LNPEP: variants seen among roughly 807,000 people sequenced by gnomAD.
The protein encoded by LNPEP is leucyl-cystinyl aminopeptidase.
LNPEP carries 64 observed loss-of-function variants against 120.6 expected under a neutral mutation model. That is an observed-to-expected ratio of 0.53 (90% CI 0.43 to 0.65). LNPEP has a LOEUF of 0.65. LNPEP is among the 30% of genes least tolerant of loss of function. LNPEP has a pLI of 0.00. For synonymous variants in LNPEP, 435 were observed against 425.4 expected (o/e 1.02, Z -0.28); for missense variants, 1,057 against 1,200.0 (o/e 0.88, Z 1.76).
rs1791539355 is a variant in LNPEP at position 97,034,712 on chromosome 5, A to G, written c.*6179A>G. On this transcript the variant is annotated 3_prime_UTR_variant, in exon 18 of 18. Coordinates refer to ENST00000231368, the MANE Select transcript of LNPEP (RefSeq NM_005575.3). ...GGGATTGTTGAGAGGAAAAGGCAAG[A>G]TATATAATTTTTTTAATGTATATAA... is the stretch of plus-strand genomic sequence containing the variant. 1 of 151,996 alleles carries G rather than the reference A, an allele frequency of 6.6e-6. No homozygotes were observed. The highest frequency in any genetic ancestry group is 1.5e-5 in the Non-Finnish European group (1 of 67,970). 9.4% of individuals were successfully genotyped at this position (151,996 alleles called of 1,614,324 possible).
rs114031207 is a variant in LNPEP at position 96,977,947 on chromosome 5, G to A, written c.20-1191G>A. Among the ~76,000 whole-genome samples, 352 of 152,226 alleles carry A rather than the reference G, an allele frequency of 2.3e-3. 1 individual carries two copies. Among genetic ancestry groups the A allele is most frequent in the African/African-American group, 8.0e-3 (333 of 41,542 alleles). ...TTTTTAGACCTGTGCTTTAATATCA[G>A]TTTTATGACTAAATAGCTGTGTGAC... On this transcript the variant is annotated intron_variant, in intron 1 of 17. Transcript: ENST00000231368.
chr5:97,007,806 T>C lies in LNPEP; in HGVS notation c.2035+1291T>C, dbSNP rs1008996653. ...TCAAATCTTAAAGGTTTTTCCATTA[T>C]ATGAAATTTTTTAAGGAATGCTTTT... On this transcript the variant is annotated intron_variant, in intron 11 of 17. Transcript: ENST00000231368. Among the ~76,000 whole-genome samples, 6 of 152,360 alleles carry C rather than the reference T, an allele frequency of 3.9e-5. No individual in the cohort carries two copies. The South Asian group carries it at 1.2e-3, about 32-fold the overall frequency.
chr5:96,986,585 C>G lies in LNPEP; in HGVS notation c.1046C>G (p.Ser349Cys). The change falls in exon 4 of 18, where the codon TCT becomes TGT. Residue 349 changes from serine (S) to cysteine (C), a missense_variant. Transcript: ENST00000231368. ...GATGGACTTGTTCAGGATGAGTTTT[C>G]TGAGAGTGTGAAGATGAGCACTTAC... ...LDDGLVQDEF[S>C]ESVKMSTYLV... The G allele has an allele frequency of 6.2e-7, 1 of 1,613,540 alleles. No homozygotes were observed. The highest frequency in any genetic ancestry group is 2.2e-5 in the East Asian group (1 of 44,852).
At chr5:96,990,918 T>A (rs372429136) in intron 4 of LNPEP, among the ~76,000 whole-genome samples, 6 of 152,320 alleles carry the variant, frequency 3.9e-5, no homozygotes, top group African/African-American at 1.4e-4. Flanking sequence ...TTTTTTGCTT[T>A]ATTTTAAGAG....
chr5:96,976,672 TG>T (rs1790004006), intron 1 of LNPEP, among the ~76,000 whole-genome samples: 1 of 151,806 alleles, frequency 6.6e-6, no homozygotes, highest in Admixed American at 6.6e-5. Flanking sequence ...ACAAAACACA[TG>T]GGGCAAATGC....
chr5:97,002,790 T>C (rs1156732708), intron 8 of LNPEP, among the ~76,000 whole-genome samples: 1 of 152,218 alleles, frequency 6.6e-6, no homozygotes, highest in Non-Finnish European at 1.5e-5. Context: ...GTGGTGCTTA[T>C]TTCAGGATTG....
Position 97,015,002 on chromosome 5 carries a change from T to C in LNPEP, c.2283T>C (p.His761=). Residue 761 remains histidine (H), a synonymous_variant, in exon 13 of 18, where the codon CAT becomes CAC. Coordinates refer to ENST00000231368, the MANE Select transcript of LNPEP (RefSeq NM_005575.3). ...DLINYLGNEN[H]TAPITEALFQ... The stretch of plus-strand genomic sequence containing the variant: ...TTAATTATCTTGGAAATGAGAACCA[T>C]ACTGCACCCATCACCGAAGCCCTGT... The C allele has an allele frequency of 3.1e-6, 5 of 1,605,124 alleles. No homozygotes were observed. Among genetic ancestry groups the C allele is most frequent in the African/African-American group, 1.3e-5 (1 of 74,850 alleles).
rs535096602 is a variant in LNPEP at position 96,955,698 on chromosome 5, A to G, written c.19+19524A>G. Among the ~76,000 whole-genome samples, 28 of 152,362 alleles carry G rather than the reference A, an allele frequency of 1.8e-4. No homozygotes were observed. The South Asian group carries it at 5.8e-3, about 32-fold the overall frequency. On this transcript the variant is annotated intron_variant, in intron 1 of 17. Transcript: ENST00000231368. ...TAATTGTTTATTCACTAATTCACCA[A>G]TTGATGGACATTTGTTTTCAGCTTG...
intron 1 of LNPEP, among the ~76,000 whole-genome samples, chr5:96,970,435 ATCTCT>A (rs976331403): frequency 2.0e-5 from 3 of 152,050 alleles, no homozygotes; most frequent in Non-Finnish European, 4.4e-5. Flanking sequence ...TTTAAAATGC[ATCTCT>A]TACAGACAGT....
chr5:97,027,605 C>A (rs1297817934), intron 16 of LNPEP, 128 bp from the exon 17 acceptor site: 2 of 632,994 alleles, frequency 3.2e-6, no homozygotes, highest in East Asian at 5.4e-5. Context: ...ACCCCGGTTT[C>A]CTCAGTTGCA....
At position 96,970,109 on chromosome 5, in the gene LNPEP, T is replaced by C. The variant is rs146187932; in HGVS notation, c.20-9029T>C. On this transcript the variant is annotated intron_variant, in intron 1 of 17. Transcript: ENST00000231368. The stretch of plus-strand genomic sequence containing the variant: ...GATTGTGATTTATTTTATTTTATTT[T>C]GCTTTATTCCATCTTGGTGAATGTT... 2.3e-3 allele frequency among the ~76,000 whole-genome samples: 343 copies of C among 152,122 alleles called. 2 individuals carry two copies. The highest frequency in any genetic ancestry group is 8.0e-3 in the African/African-American group (332 of 41,554).
intron 1 of LNPEP, among the ~76,000 whole-genome samples, chr5:96,951,791 T>G (rs1371827287): frequency 1.6e-5 from 2 of 121,614 alleles, no homozygotes; most frequent in African/African-American, 2.9e-5. Flanking sequence ...TAATTCAGGA[T>G]GATCCAAAAA....
chr5:97,026,974 G>T (rs1423156190), intron 16 of LNPEP, among the ~76,000 whole-genome samples: 1 of 152,128 alleles, frequency 6.6e-6, no homozygotes, highest in Non-Finnish European at 1.5e-5. Flanking sequence ...TTCTAATTAA[G>T]CCTAGCCTTG....
chr5:97,003,399 C>CTTT lies in LNPEP; in HGVS notation c.1654-8_1654-6dup. The CTTT allele has an allele frequency of 2.8e-6, 1 of 362,320 alleles. No individual in the cohort carries two copies. The highest frequency in any genetic ancestry group is 3.4e-6 in the Non-Finnish European group (1 of 293,990). The allele number at this position is 362,320 out of a possible 1,614,324, so 22.4% of individuals were successfully genotyped here. On this transcript the variant is annotated splice_polypyrimidine_tract_variant and intron_variant, in intron 8 of 17. Coordinates refer to ENST00000231368, the MANE Select transcript of LNPEP (RefSeq NM_005575.3). ...CTATTATTTTCTTTCTTTTTCCTCA[C>CTTT]TTTTTTTTTTAATAGGGATCTTCTC...
chr5:96,988,807 T>A (rs1268944008), intron 4 of LNPEP, among the ~76,000 whole-genome samples: 2 of 151,748 alleles, frequency 1.3e-5, no homozygotes, highest in Non-Finnish European at 2.9e-5. Flanking sequence ...TGTAGAGGCA[T>A]CTTGCTATGT....
chr5:96,981,012 G>T (rs1790109708), intron 2 of LNPEP, among the ~76,000 whole-genome samples: 1 of 152,118 alleles, frequency 6.6e-6, no homozygotes, highest in Non-Finnish European at 1.5e-5. Flanking sequence ...ATCTGGGATT[G>T]AACACAAATG....
chr5:97,028,288 C>T, intron 17 of LNPEP, 114 bp from the exon 18 acceptor site: 1 of 928,150 alleles, frequency 1.1e-6, no homozygotes. Flanking sequence ...CTTTCTACTG[C>T]TTTCAAGATA....
intron 1 of LNPEP, among the ~76,000 whole-genome samples, chr5:96,966,508 T>TTTTGTGTG (rs1284828792): frequency 1.4e-4 from 19 of 133,368 alleles, no homozygotes; most frequent in African/African-American, 5.4e-4. Context: ...TTACATATAT[T>TTTTGTGTG]TGTGTGTGTG....
At chr5:97,021,689 A>G (rs1487516167) in intron 13 of LNPEP, among the ~76,000 whole-genome samples, 2 of 152,162 alleles carry the variant, frequency 1.3e-5, no homozygotes, top group African/African-American at 4.8e-5. Flanking sequence ...AAGGTTCCCT[A>G]CTGCACAGAA....
Sources: gnomAD v4.1 joint callset for allele counts (sites outside exome capture counted in the v4.1 genomes callset) on GRCh38, gnomAD v4.1.1 for gene constraint, MANE v1.5 for transcripts, NCBI Gene and HGNC (gene_info 2026-07-23, HGNC 2026-07-21) for gene names.